Variants in COP1 observed in about 807,000 individuals in gnomAD.
COP1 encodes the protein E3 ubiquitin-protein ligase COP1.
Under a neutral mutation model 101.3 loss-of-function variants are expected in COP1, and 24 were observed. The ratio of observed to expected loss-of-function variants is 0.24; its 90% CI spans 0.17 to 0.33. The LOEUF is 0.33. Ranked by LOEUF, COP1 falls within the 10% of genes least tolerant of loss-of-function variation. The probability of loss-of-function intolerance (pLI) is 1.00; values close to 1 mark genes in which losing one functional copy is unlikely to be tolerated. For missense variants in COP1, 663 were observed against 906.2 expected, an observed-to-expected ratio of 0.73 and a Z score of 3.45; for synonymous variants, 347 against 341.9, an observed-to-expected ratio of 1.01 and a Z score of -0.17.
chr1:176,027,530 T>C (rs775037730), intron 15 of COP1, 42 bp downstream of exon 15: 2 of 1,132,736 alleles, frequency 1.8e-6, no homozygotes, highest in Non-Finnish European at 2.7e-6. Context: ...CCATGATATT[T>C]AACCAACATC....
chr1:176,051,591 C>CTGT (rs1672564434), intron 11 of COP1, among the ~76,000 whole-genome samples: 1 of 150,576 alleles, frequency 6.6e-6, no homozygotes, highest in Non-Finnish European at 1.5e-5. Context: ...TAAAAAAAAA[C>CTGT]AAACAAACTG....
chr1:176,001,554 T>G (rs1571554604), intron 15 of COP1, among the ~76,000 whole-genome samples: 1 of 152,140 alleles, frequency 6.6e-6, no homozygotes, highest in South Asian at 2.1e-4. Flanking sequence ...TATCTCAGGG[T>G]AAACAACTGC....
chr1:176,133,166 A>T (rs1689189058), intron 8 of COP1, among the ~76,000 whole-genome samples: 1 of 122,920 alleles, frequency 8.1e-6, no homozygotes. Flanking sequence ...ATATATACGT[A>T]TGTACACACA....
chr1:176,203,897 C>T (rs554124558), intron 1 of COP1, among the ~76,000 whole-genome samples: 3 of 152,086 alleles, frequency 2.0e-5, no homozygotes, highest in Non-Finnish European at 4.4e-5. Context: ...AGGACAGGTC[C>T]CTATCACCAG....
chr1:175,946,871 G>A (rs1428958072), intron 19 of COP1, among the ~76,000 whole-genome samples: 1 of 152,158 alleles, frequency 6.6e-6, no homozygotes, highest in African/African-American at 2.4e-5. Flanking sequence ...TCTATCTACT[G>A]AAAGCCCTGT....
intron 16 of COP1, 158 bp from the exon 17 acceptor site, chr1:175,988,570 C>T (rs910515130): frequency 8.4e-5 from 51 of 603,792 alleles, no homozygotes; most frequent in Non-Finnish European, 1.1e-4. Context: ...TGGTGGCTCA[C>T]GCTTGTATTC....
intron 2 of COP1, among the ~76,000 whole-genome samples, chr1:176,176,962 C>G (rs1697037117): frequency 1.3e-5 from 2 of 152,066 alleles, no homozygotes; most frequent in Admixed American, 1.3e-4. Flanking sequence ...TTTACATACC[C>G]TTTTGAATAT....
intron 11 of COP1, among the ~76,000 whole-genome samples, chr1:176,062,036 A>G (rs369091129): frequency 6.6e-6 from 1 of 152,238 alleles, no homozygotes; most frequent in African/African-American, 2.4e-5. Flanking sequence ...ATCTCACTCT[A>G]TCGCCCAGGC....
intron 18 of COP1, among the ~76,000 whole-genome samples, chr1:175,958,477 C>T (rs1165168340): frequency 6.6e-6 from 1 of 151,948 alleles, no homozygotes; most frequent in Non-Finnish European, 1.5e-5. Context: ...TCATTCCTCT[C>T]TCCCTGTTCA....
intron 9 of COP1, among the ~76,000 whole-genome samples, chr1:176,100,620 T>C (rs1172764032): frequency 6.6e-6 from 1 of 152,124 alleles, no homozygotes; most frequent in African/African-American, 2.4e-5. Flanking sequence ...TCTGAGCAAT[T>C]ATCCTGCCGG....
intron 15 of COP1, among the ~76,000 whole-genome samples, chr1:176,008,535 TTTAA>T (rs1222919544): frequency 6.6e-6 from 1 of 152,248 alleles, no homozygotes; most frequent in African/African-American, 2.4e-5. Flanking sequence ...CTCTTTGTGG[TTTAA>T]TTACCTTTTT....
At chr1:176,143,329 A>C (rs1338263488) in intron 6 of COP1, among the ~76,000 whole-genome samples, 1 of 152,218 alleles carries the variant, frequency 6.6e-6, no homozygotes, top group Non-Finnish European at 1.5e-5. Context: ...CAAAAACCTT[A>C]ATAAGAATGT....
intron 18 of COP1, among the ~76,000 whole-genome samples, chr1:175,965,514 A>G (rs1651898498): frequency 6.6e-6 from 1 of 151,860 alleles, no homozygotes; most frequent in Non-Finnish European, 1.5e-5. Flanking sequence ...ATCTTTTAAA[A>G]TTCAAATTTC....
chr1:176,176,737 G>A, intron 2 of COP1, among the ~76,000 whole-genome samples: 1 of 152,128 alleles, frequency 6.6e-6, no homozygotes, highest in Non-Finnish European at 1.5e-5. Context: ...GAGCCCAGGA[G>A]TTCAGGGCTA....
chr1:175,999,891 C>A (rs958752381), intron 15 of COP1, among the ~76,000 whole-genome samples: 3 of 152,004 alleles, frequency 2.0e-5, no homozygotes, highest in African/African-American at 2.4e-5. Context: ...TACCAGTTTG[C>A]CATTTATATG....
At position 175,993,802 on chromosome 1, in the gene COP1, C is replaced by G. The variant is rs369196629; in HGVS notation, c.1730-4323G>C. 5.3e-5 allele frequency among the ~76,000 whole-genome samples: 8 copies of G among 152,210 alleles called. No individual in the cohort carries two copies. In the East Asian group the frequency reaches 9.6e-4, roughly 18 times the overall value. On this transcript the variant is annotated intron_variant, in intron 15 of 19. Transcript: ENST00000367669. ...CTGAAAGTGATGGGGAGAATGGAAC[C>G]AAGTTGGAAAACACTCTGCAGGATA...
At chr1:176,152,315 T>C (rs372565924) in intron 5 of COP1, among the ~76,000 whole-genome samples, 7 of 152,030 alleles carry the variant, frequency 4.6e-5, no homozygotes, top group Admixed American at 2.6e-4. Context: ...ATAAAAACAA[T>C]TAAAAATTGA....
chr1:176,156,925 T>C (rs1343955888), intron 5 of COP1, among the ~76,000 whole-genome samples: 3 of 152,096 alleles, frequency 2.0e-5, no homozygotes, highest in Admixed American at 6.6e-5. Flanking sequence ...TGGCTGGGTC[T>C]GGTGGCTCAC....
intron 15 of COP1, among the ~76,000 whole-genome samples, chr1:176,013,614 A>G (rs1351670637): frequency 6.6e-6 from 1 of 152,218 alleles, no homozygotes; most frequent in East Asian, 1.9e-4. Flanking sequence ...TACAAAGACT[A>G]CAAATGTATT....
Sources: allele counts gnomAD v4.1 joint callset (sites outside exome capture counted in the v4.1 genomes callset), GRCh38; gene constraint gnomAD v4.1.1; transcripts MANE v1.5; gene names NCBI Gene and HGNC (gene_info 2026-07-23, HGNC 2026-07-21).